The following CACNA2D4 variants were observed in gnomAD, a reference collection of about 807,000 sequenced individuals.
The protein encoded by CACNA2D4 is voltage-dependent calcium channel subunit alpha-2/delta-4.
In CACNA2D4, 157 loss-of-function variants were observed where a neutral mutation model predicts 163.8. The ratio of observed to expected loss-of-function variants is 0.96; its 90% CI spans 0.84 to 1.09. The LOEUF (loss-of-function observed/expected upper bound fraction) is 1.09, where lower values mean the gene tolerates loss of function less well. Ranked by LOEUF, CACNA2D4 falls within the 50% of genes least tolerant of loss-of-function variation. The pLI is 0.00. For missense variants in CACNA2D4, 1,410 were observed against 1,479.9 expected (o/e 0.95, Z 0.78); for synonymous variants, 598 against 586.9 (o/e 1.02, Z -0.27).
chr12:1,876,042 C>T (rs1051943426), intron 16 of CACNA2D4, among the ~76,000 whole-genome samples: 1 of 152,210 alleles, frequency 6.6e-6, no homozygotes, highest in Non-Finnish European at 1.5e-5. Context: ...TCCCCTTGGT[C>T]TTCCTCATGG....
At chr12:1,885,707 C>A (rs1866121812) in intron 9 of CACNA2D4, among the ~76,000 whole-genome samples, 1 of 152,190 alleles carries the variant, frequency 6.6e-6, no homozygotes, top group South Asian at 2.1e-4. Context: ...ATATAATCCA[C>A]AGGGTGAAAA....
chr12:1,804,472 G>A (rs956544088), intron 29 of CACNA2D4, among the ~76,000 whole-genome samples: 1 of 152,184 alleles, frequency 6.6e-6, no homozygotes, highest in African/African-American at 2.4e-5. Context: ...GTCCCTGAGA[G>A]CAAGGATGTG....
At position 1,801,100 on chromosome 12, in the gene CACNA2D4, A is replaced by G; in HGVS notation, c.2811T>C (p.Tyr937=). ...GVFSQVTMYD[Y]QAMCKPSSHH... Reference sequence around the variant, plus strand: ...GACTCGAGGGTTTGCACATGGCCTGATAGTCATACATAGTCACTCTGAAAA... The same window carrying G: ...GACTCGAGGGTTTGCACATGGCCTGGTAGTCATACATAGTCACTCTGAAAA... Residue 937 remains tyrosine, a synonymous_variant, in exon 31 of 38, where the codon TAT becomes TAC. Coordinates refer to ENST00000382722, the MANE Select transcript of CACNA2D4 (RefSeq NM_172364.5). The G allele has an allele frequency of 1.2e-6, 2 of 1,613,822 alleles. No individual in the cohort carries two copies. The highest frequency in any genetic ancestry group is 1.7e-6 in the Non-Finnish European group (2 of 1,179,826).
intron 26 of CACNA2D4, among the ~76,000 whole-genome samples, chr12:1,821,539 G>A (rs1049410883): frequency 6.6e-6 from 1 of 152,188 alleles, no homozygotes; most frequent in African/African-American, 2.4e-5. Flanking sequence ...AACCTGCTGG[G>A]GTGTCCCGCA....
intron 23 of CACNA2D4, among the ~76,000 whole-genome samples, 169 bp from the exon 24 acceptor site, chr12:1,846,858 C>T (rs1345200176): frequency 6.6e-6 from 1 of 152,236 alleles, no homozygotes; most frequent in East Asian, 1.9e-4. Context: ...ACCCTGCTGG[C>T]ATCCACGGTG....
Position 1,799,929 on chromosome 12 carries a change from A to T in CACNA2D4, c.2974+71T>A. 1 of 1,485,910 alleles carries T rather than the reference A, an allele frequency of 6.7e-7. No homozygotes were observed. Among genetic ancestry groups the T allele is most frequent in the East Asian group, 2.4e-5 (1 of 40,938 alleles). 92.0% of individuals were successfully genotyped at this position (1,485,910 alleles called of 1,614,324 possible). A position where few individuals can be genotyped will look rare whatever the true frequency, so the allele number is the denominator to read the frequency against. ...CCCCACTGTCACCCACCCCACAGGG[A>T]ATGGTCTCACGTTAGTGGACCAAAA... On this transcript the variant is annotated intron_variant, in intron 33 of 37. Coordinates refer to ENST00000382722, the MANE Select transcript of CACNA2D4 (RefSeq NM_172364.5). The surrounding 1 kb of genome is among the most constrained non-coding windows in gnomAD (Gnocchi z 4.7).
chr12:1,853,875 G>T, intron 23 of CACNA2D4, 76 bp downstream of exon 23: 1 of 1,159,834 alleles, frequency 8.6e-7, no homozygotes, highest in Non-Finnish European at 1.3e-6. Context: ...CAGCCAGATG[G>T]TGAGAGGGGT....
chr12:1,809,543 G>A (rs1863639911), intron 29 of CACNA2D4: 1 of 702,844 alleles, frequency 1.4e-6, no homozygotes, highest in Non-Finnish European at 2.6e-6. Flanking sequence ...GTTTGAATGG[G>A]CTTCTTTCTC....
chr12:1,826,805 TG>T (rs1864350381), intron 26 of CACNA2D4, among the ~76,000 whole-genome samples: 1 of 152,116 alleles, frequency 6.6e-6, no homozygotes, highest in South Asian at 2.1e-4. Context: ...GGGGAGAAGA[TG>T]GGGGCAACAG....
At chr12:1,870,837 G>A (rs992006526) in intron 18 of CACNA2D4, among the ~76,000 whole-genome samples, 18 of 152,100 alleles carry the variant, frequency 1.2e-4, no homozygotes, top group African/African-American at 3.9e-4. Flanking sequence ...GGAGTAAAGA[G>A]GTATCTGAGC....
At chr12:1,911,722 C>T (rs902964050) in intron 3 of CACNA2D4, among the ~76,000 whole-genome samples, 1 of 152,168 alleles carries the variant, frequency 6.6e-6, no homozygotes. Flanking sequence ...GAGCCTGGAG[C>T]CCCAGCCTCT....
chr12:1,884,796 A>G lies in CACNA2D4; in HGVS notation c.1244T>C (p.Phe415Ser), dbSNP rs1375190302. The stretch of plus-strand genomic sequence containing the variant: ...ACAGTCTGGCCAGTTATACTTCTCA[A>G]ACACCGGCTCGTAGTCCTCCACGGC... The part of the protein sequence containing the change: ...DGAVEDYEPV[F>S]EKYNWPDCKV... Residue 415 changes from phenylalanine to serine, a missense_variant, in exon 11 of 38, where the codon TTT (phenylalanine) becomes TCT (serine). By Grantham distance (155) the Phe-to-Ser change is radical (BLOSUM62 -2). Coordinates refer to ENST00000382722, the MANE Select transcript of CACNA2D4 (RefSeq NM_172364.5). The G allele has an allele frequency of 3.1e-6, 5 of 1,613,488 alleles. No homozygotes were observed. The highest frequency in any genetic ancestry group is 1.3e-5 in the African/African-American group (1 of 74,854).
chr12:1,861,366 T>C (rs975640369), intron 18 of CACNA2D4, among the ~76,000 whole-genome samples: 2 of 152,180 alleles, frequency 1.3e-5, no homozygotes, highest in East Asian at 3.8e-4. Context: ...GGAAGATGTC[T>C]TGGGGGAGTT....
In CACNA2D4 at chr12:1,878,430, T is replaced by A. The variant is rs1865925840; in HGVS notation, c.1645-41A>T. ...GTGGAGGCGCATTAGGCCTGCTGTT[T>A]GTGCTGGGCATCTGGAGTTGGGCAG... On this transcript the variant is annotated intron_variant, in intron 15 of 37. Transcript: ENST00000382722. The surrounding 1 kb of genome is among the most constrained non-coding windows in gnomAD (Gnocchi z 4.6). The A allele has an allele frequency of 1.3e-6, 2 of 1,566,894 alleles. No homozygotes were observed. The highest frequency in any genetic ancestry group is 2.4e-5 in the East Asian group (1 of 42,262).
chr12:1,862,810 T>A (rs771297182), intron 18 of CACNA2D4, among the ~76,000 whole-genome samples: 1 of 152,238 alleles, frequency 6.6e-6, no homozygotes, highest in Non-Finnish European at 1.5e-5. Context: ...TCTGAGCATT[T>A]TTTATTTGGC....
chr12:1,860,269 G>T, intron 18 of CACNA2D4, 63 bp from the exon 19 acceptor site: 1 of 1,283,082 alleles, frequency 7.8e-7, no homozygotes, highest in Non-Finnish European at 1.1e-6. Context: ...CCCCCACCTC[G>T]CCCCCAGGGC....
At chr12:1,854,346 C>A (rs920014790) in intron 22 of CACNA2D4, among the ~76,000 whole-genome samples, 1 of 152,188 alleles carries the variant, frequency 6.6e-6, no homozygotes, top group East Asian at 1.9e-4. Flanking sequence ...CATCTCAACT[C>A]TTCCTCATCT....
At position 1,829,443 on chromosome 12, in the gene CACNA2D4, G is replaced by A. The variant is rs1302038292; in HGVS notation, c.2551+11296C>T. On this transcript the variant is annotated intron_variant, in intron 26 of 37. Coordinates refer to ENST00000382722, the MANE Select transcript of CACNA2D4 (RefSeq NM_172364.5). This position sits in a 1 kb window ranked among gnomAD's most constrained non-coding sequence, Gnocchi z 4.2. ...GGTAACCCAAGATGGCCAGAAAAAG[G>A]GTCTCCGGTGGCTTCCATGGCTGTA... Among the ~76,000 whole-genome samples the A allele has an allele frequency of 1.3e-5, 2 of 152,102 alleles. No individual in the cohort carries two copies. Among genetic ancestry groups the A allele is most frequent in the East Asian group, 1.9e-4 (1 of 5,160 alleles).
chr12:1,866,787 AT>A (rs34111398), intron 18 of CACNA2D4, among the ~76,000 whole-genome samples: 3,657 of 136,512 alleles, frequency 0.027, 93 homozygotes, highest in East Asian at 0.11. Flanking sequence ...CACCTGGCTA[AT>A]TTTTTTTTTT....
Sources: allele counts gnomAD v4.1 joint callset (sites outside exome capture counted in the v4.1 genomes callset), GRCh38; gene constraint gnomAD v4.1.1; non-coding constraint Gnocchi (gnomAD v3.1); transcripts MANE v1.5; gene names NCBI Gene and HGNC (gene_info 2026-07-23, HGNC 2026-07-21).